Variants in CAST observed in about 807,000 individuals in gnomAD.
CAST encodes MIR583 host.
Under a neutral mutation model 119.6 loss-of-function variants are expected in CAST, and 76 were observed. The ratio of observed to expected loss-of-function variants is 0.64; its 90% CI spans 0.53 to 0.77. CAST has a LOEUF of 0.77. Ranked by LOEUF, CAST falls within the 30% of genes least tolerant of loss-of-function variation. The probability of loss-of-function intolerance (pLI) is 0.00; values close to 1 mark genes in which losing one functional copy is unlikely to be tolerated. For synonymous variants in CAST, 319 were observed against 331.6 expected (o/e 0.96, Z 0.41); for missense variants, 953 against 946.5 (o/e 1.01, Z -0.09).
At chr5:96,646,453 G>C (rs1318550074) in intron 1 of CAST, among the ~76,000 whole-genome samples, 1 of 152,236 alleles carries the variant, frequency 6.6e-6, no homozygotes, top group African/African-American at 2.4e-5. Flanking sequence ...GTAGATTTCT[G>C]TAAGGGGATG....
rs34687945 is a variant in CAST at position 96,738,935 on chromosome 5, CAA to C, written c.798+1004_798+1005del. 7.1e-3 allele frequency among the ~76,000 whole-genome samples: 627 copies of C among 88,114 alleles called. 2 individuals are homozygous for C. Among genetic ancestry groups the C allele is most frequent in the Middle Eastern group, 0.021 (3 of 142 alleles). The allele number at this position is 88,114 out of a possible 152,430, so 57.8% of individuals were successfully genotyped here. A position where few individuals can be genotyped will look rare whatever the true frequency, so the allele number is the denominator to read the frequency against. On this transcript the variant is annotated intron_variant, in intron 11 of 31. Coordinates refer to ENST00000675179, the MANE Select transcript of CAST (RefSeq NM_001750.7). ...GGGCAACATGGATGAGACTCCATCT[CAA>C]AAAAAAAAAAAAAAAGACACGCCAT...
At chr5:96,396,589 G>A in the CAST span, among the ~76,000 whole-genome samples, 8 of 151,654 alleles carry the variant, frequency 5.3e-5, no homozygotes, top group Middle Eastern at 3.2e-3. Context: ...TTATTTAGGC[G>A]TATAATTCTA....
chr5:96,567,552 T>C (rs1319606036), intron 1 of CAST, among the ~76,000 whole-genome samples: 1 of 152,218 alleles, frequency 6.6e-6, no homozygotes, highest in Admixed American at 6.5e-5. Context: ...AAAGGTGTTC[T>C]CTGAGGGGCT....
chr5:96,521,646 C>G (rs1745520463), upstream of CAST, among the ~76,000 whole-genome samples: 1 of 152,202 alleles, frequency 6.6e-6, no homozygotes, highest in South Asian at 2.1e-4. Context: ...CTCACTCTTT[C>G]TCTCTCCTCA....
the CAST span, among the ~76,000 whole-genome samples, chr5:96,400,893 T>C: frequency 2.1e-3 from 318 of 151,268 alleles, no homozygotes; most frequent in African/African-American, 7.3e-3. Flanking sequence ...CGAGACCATC[T>C]TGGCTAACAC....
At chr5:96,662,144 T>C, upstream of CAST, 1 of 381,758 alleles carries the variant, frequency 2.6e-6, no homozygotes, top group Non-Finnish European at 4.7e-6. Flanking sequence ...AGAGCAGTGC[T>C]GGGGCCGGGG....
chr5:96,675,999 C>T, intron 2 of CAST: 1 of 157,552 alleles, frequency 6.3e-6, no homozygotes, highest in African/African-American at 2.4e-5. Context: ...TTAACCAGTC[C>T]TTCAGATTCA....
At chr5:96,589,487 A>G (rs2150191274) in intron 1 of CAST, among the ~76,000 whole-genome samples, 1 of 152,316 alleles carries the variant, frequency 6.6e-6, no homozygotes, top group Middle Eastern at 3.4e-3. Flanking sequence ...TTTTAAAGAC[A>G]TTATAATAAC....
chr5:96,187,696 T>C, the CAST span, among the ~76,000 whole-genome samples: 1 of 152,210 alleles, frequency 6.6e-6, no homozygotes, highest in Non-Finnish European at 1.5e-5. Flanking sequence ...TCTTTGTATT[T>C]CCCCTAGTGC....
At chr5:96,417,702 A>T in the CAST span, among the ~76,000 whole-genome samples, 6 of 152,194 alleles carry the variant, frequency 3.9e-5, no homozygotes, top group African/African-American at 1.4e-4. Flanking sequence ...ACTTGGGTGA[A>T]TATTTTTAAA....
the CAST span, among the ~76,000 whole-genome samples, chr5:96,397,931 A>G: frequency 3.3e-5 from 5 of 151,736 alleles, no homozygotes; most frequent in Non-Finnish European, 5.9e-5. Flanking sequence ...TTATTATGCA[A>G]TCATTAATAA....
chr5:96,221,280 G>A, the CAST span, among the ~76,000 whole-genome samples: 2 of 151,940 alleles, frequency 1.3e-5, no homozygotes, highest in Admixed American at 1.3e-4. Context: ...AATCAGGCAA[G>A]AGAAAAAAAT....
intron 1 of CAST, among the ~76,000 whole-genome samples, chr5:96,602,526 C>T (rs1033538794): frequency 3.3e-5 from 5 of 152,100 alleles, no homozygotes; most frequent in Non-Finnish European, 2.9e-5. Context: ...CTGAGGCAGG[C>T]AGATCACCTG....
At chr5:96,450,700 T>C in the CAST span, among the ~76,000 whole-genome samples, 1 of 152,202 alleles carries the variant, frequency 6.6e-6, no homozygotes, top group Non-Finnish European at 1.5e-5. Flanking sequence ...AATGCCTTAA[T>C]GCTGACAAAT....
the CAST span, among the ~76,000 whole-genome samples, chr5:96,438,041 T>A: frequency 3.9e-5 from 6 of 152,198 alleles, no homozygotes; most frequent in African/African-American, 1.4e-4. Context: ...GATTGTTATA[T>A]CTTGCCTAAC....
At chr5:96,534,823 A>AG (rs1163338978) in intron 1 of CAST, among the ~76,000 whole-genome samples, 1 of 147,720 alleles carries the variant, frequency 6.8e-6, no homozygotes, top group African/African-American at 2.5e-5. Flanking sequence ...AAAGAAAGAA[A>AG]AGAAAGAAGG....
At chr5:96,377,361 A>G in the CAST span, among the ~76,000 whole-genome samples, 1 of 152,160 alleles carries the variant, frequency 6.6e-6, no homozygotes, top group East Asian at 1.9e-4. Flanking sequence ...CCACTTGCTG[A>G]TTCACCCACA....
chr5:95,968,060 C>T, the CAST span, among the ~76,000 whole-genome samples: 1 of 152,156 alleles, frequency 6.6e-6, no homozygotes, highest in Non-Finnish European at 1.5e-5. Flanking sequence ...TACCTTTGAA[C>T]ATGGCTATAA....
intron 1 of CAST, among the ~76,000 whole-genome samples, chr5:96,536,295 G>T (rs1242851362): frequency 1.3e-5 from 2 of 152,008 alleles, no homozygotes; most frequent in Admixed American, 6.5e-5. Context: ...AGAGGTGGAG[G>T]TTACGGTGAG....
Sources: allele counts gnomAD v4.1 joint callset (sites outside exome capture counted in the v4.1 genomes callset), GRCh38; gene constraint gnomAD v4.1.1; transcripts MANE v1.5; gene names NCBI Gene and HGNC (gene_info 2026-07-23, HGNC 2026-07-21).